The following CLEC2A variants were observed in gnomAD, a reference collection of about 807,000 sequenced individuals.
CLEC2A encodes the protein C-type lectin domain family 2 member A.
Under a neutral mutation model 18.6 loss-of-function variants are expected in CLEC2A, and 19 were observed. That is an observed-to-expected ratio of 1.02 (90% CI 0.71 to 1.50). The LOEUF is 1.50. Among genes scored for constraint, CLEC2A ranks in the 40% most tolerant of loss-of-function variants. The pLI, the probability that CLEC2A is intolerant of heterozygous loss-of-function variation, is 0.00. For missense variants in CLEC2A, 190 were observed against 207.9 expected (o/e 0.91, Z 0.53); for synonymous variants, 74 against 64.0 (o/e 1.16, Z -0.75).
At chr12:9,921,525 T>A (rs1321111111) in intron 3 of CLEC2A, among the ~76,000 whole-genome samples, 1 of 152,104 alleles carries the variant, frequency 6.6e-6, no homozygotes, top group Non-Finnish European at 1.5e-5. Context: ...AATTCAAGGC[T>A]ACAGTGAGCT....
intron 1 of CLEC2A, among the ~76,000 whole-genome samples, chr12:9,931,312 T>A (rs1444268365): frequency 2.0e-5 from 3 of 152,220 alleles, no homozygotes; most frequent in African/African-American, 4.8e-5. Context: ...AATTTTCTTA[T>A]GAAGTTTTCA....
intron 1 of CLEC2A, among the ~76,000 whole-genome samples, chr12:9,929,428 TA>T (rs1166398788): frequency 6.6e-6 from 1 of 152,126 alleles, no homozygotes; most frequent in African/African-American, 2.4e-5. Flanking sequence ...ATTAGCAATT[TA>T]AAAAAGAATT....
intron 1 of CLEC2A, among the ~76,000 whole-genome samples, chr12:9,930,027 C>T (rs887317829): frequency 3.7e-4 from 56 of 152,038 alleles, no homozygotes; most frequent in Admixed American, 3.4e-3. Context: ...ACAAACTGGG[C>T]GGCTAAAATT....
chr12:9,901,250 T>C (rs1350655720), intron 4 of CLEC2A, among the ~76,000 whole-genome samples: 1 of 152,220 alleles, frequency 6.6e-6, no homozygotes, highest in African/African-American at 2.4e-5. Context: ...TCTCTAAAGT[T>C]ATCAGAGATC....
rs1323124845 is a variant in CLEC2A at position 9,926,160 on chromosome 12, TA to T, written c.139+99del. On this transcript the variant is annotated intron_variant, in intron 2 of 4. Coordinates refer to ENST00000455827, the MANE Select transcript of CLEC2A (RefSeq NM_001130711.2). Reference sequence around the variant, plus strand: ...GAGGACAAGTGTCTATAAAACCCTTTAATCACTCTAGATGTGGGAGATTTGG... The same window carrying T: ...GAGGACAAGTGTCTATAAAACCCTTTATCACTCTAGATGTGGGAGATTTGG... The T allele has an allele frequency of 1.3e-5, 9 of 687,012 alleles. No individual in the cohort carries two copies. In the Admixed American group the frequency reaches 2.2e-4, roughly 17 times the overall value. The allele number at this position is 687,012 out of a possible 1,614,324, so 42.6% of individuals were successfully genotyped here.
At chr12:9,901,856 A>G (rs1264647326) in intron 4 of CLEC2A, among the ~76,000 whole-genome samples, 1 of 149,484 alleles carries the variant, frequency 6.7e-6, no homozygotes, top group East Asian at 1.9e-4. Flanking sequence ...GATTAGCACC[A>G]TAGGAAAACC....
chr12:9,904,765 G>T (rs112120899), intron 4 of CLEC2A, among the ~76,000 whole-genome samples: 228 of 152,260 alleles, frequency 1.5e-3, no homozygotes, highest in African/African-American at 5.4e-3. Flanking sequence ...GCAATAAGGG[G>T]TTACACTGCA....
At chr12:9,916,467 T>A (rs765347607) in intron 4 of CLEC2A, among the ~76,000 whole-genome samples, 16 of 151,884 alleles carry the variant, frequency 1.1e-4, no homozygotes, top group Non-Finnish European at 5.9e-5. Flanking sequence ...AAATAACAAA[T>A]AAAAATAAAA....
the CLEC2A span, among the ~76,000 whole-genome samples, chr12:9,883,799 A>T: frequency 6.6e-6 from 1 of 152,222 alleles, no homozygotes. Flanking sequence ...TATACTATAG[A>T]TCTAATCAAA....
the CLEC2A span, among the ~76,000 whole-genome samples, chr12:9,889,639 T>A: frequency 6.4e-5 from 9 of 140,760 alleles, no homozygotes; most frequent in South Asian, 4.4e-4. Context: ...TCTATATGTG[T>A]ATATATATGT....
the CLEC2A span, among the ~76,000 whole-genome samples, chr12:9,882,772 CT>C: frequency 1.2e-4 from 16 of 136,846 alleles, no homozygotes; most frequent in African/African-American, 4.1e-4. Context: ...CAGAGCAAGA[CT>C]CCATATATAA....
chr12:9,890,047 C>T, the CLEC2A span, among the ~76,000 whole-genome samples: 2 of 151,922 alleles, frequency 1.3e-5, no homozygotes, highest in Non-Finnish European at 2.9e-5. Flanking sequence ...ATTATCAATA[C>T]ATAATCAATA....
the CLEC2A span, among the ~76,000 whole-genome samples, chr12:9,884,180 T>C: frequency 6.6e-6 from 1 of 152,076 alleles, no homozygotes; most frequent in African/African-American, 2.4e-5. Flanking sequence ...TGAAAGAGGA[T>C]TATTATACAT....
At chr12:9,906,347 G>T (rs555335516) in intron 4 of CLEC2A, among the ~76,000 whole-genome samples, 14 of 152,136 alleles carry the variant, frequency 9.2e-5, no homozygotes, top group African/African-American at 3.4e-4. Context: ...GGAAATAGCA[G>T]CCTGTTTGGC....
At chr12:9,888,639 T>C in the CLEC2A span, 3 of 666,078 alleles carry the variant, frequency 4.5e-6, no homozygotes, top group Non-Finnish European at 7.8e-6. Context: ...TTTATTAGTA[T>C]GCCTTCATTT....
At chr12:9,895,766 G>T, downstream of CLEC2A, 1 of 1,535,884 alleles carries the variant, frequency 6.5e-7, no homozygotes, top group Non-Finnish European at 8.7e-7. Flanking sequence ...GAAGACTGTA[G>T]CTCCACATTT....
chr12:9,922,259 G>A (rs755616690), intron 2 of CLEC2A, 27 bp from the exon 3 acceptor site: 1 of 1,490,522 alleles, frequency 6.7e-7, no homozygotes, highest in South Asian at 1.4e-5. Context: ...GAAATGATCA[G>A]ATAAAGCATA....
intron 3 of CLEC2A, among the ~76,000 whole-genome samples, chr12:9,920,735 C>T (rs1281191787): frequency 6.6e-6 from 1 of 152,174 alleles, no homozygotes; most frequent in African/African-American, 2.4e-5. Flanking sequence ...TCTTTAAAAA[C>T]TAATCTATTT....
the CLEC2A span, among the ~76,000 whole-genome samples, chr12:9,879,867 G>C: frequency 6.6e-6 from 1 of 152,192 alleles, no homozygotes; most frequent in African/African-American, 2.4e-5. Context: ...TTGGAGGCAA[G>C]GCCTGAACAG....
Sources: gnomAD v4.1 joint callset for allele counts (sites outside exome capture counted in the v4.1 genomes callset) on GRCh38, gnomAD v4.1.1 for gene constraint, MANE v1.5 for transcripts, NCBI Gene and HGNC (gene_info 2026-07-23, HGNC 2026-07-21) for gene names.